The following THSD7B variants were observed in gnomAD, a reference collection of about 807,000 sequenced individuals.
THSD7B encodes the protein thrombospondin type-1 domain-containing protein 7B.
In THSD7B, 138 loss-of-function variants were observed where a neutral mutation model predicts 213.6. That is an observed-to-expected ratio of 0.65 (90% CI 0.56 to 0.74). The LOEUF (loss-of-function observed/expected upper bound fraction) is 0.74. THSD7B is among the 30% of genes least tolerant of loss of function. The probability of loss-of-function intolerance (pLI) is 0.00; values close to 1 mark genes in which losing one functional copy is unlikely to be tolerated. For missense variants in THSD7B, 1,931 were observed against 1,991.5 expected (o/e 0.97, Z 0.58); for synonymous variants, 742 against 687.0 (o/e 1.08, Z -1.25).
At chr2:137,318,090 C>G (rs1348479027) in intron 12 of THSD7B, among the ~76,000 whole-genome samples, 3 of 152,140 alleles carry the variant, frequency 2.0e-5, no homozygotes, top group Non-Finnish European at 4.4e-5. Flanking sequence ...AACAGAAAAT[C>G]TAACTCAAAT....
At chr2:137,039,657 T>C (rs1686843855) in intron 2 of THSD7B, among the ~76,000 whole-genome samples, 1 of 152,208 alleles carries the variant, frequency 6.6e-6, no homozygotes, top group African/African-American at 2.4e-5. Flanking sequence ...TGTCTTTATA[T>C]GCCTACAAGA....
intron 15 of THSD7B, among the ~76,000 whole-genome samples, chr2:137,492,259 G>A (rs935088300): frequency 6.6e-6 from 1 of 152,094 alleles, no homozygotes. Context: ...ACAAATTTAA[G>A]TTTTGAGACT....
chr2:137,489,336 A>T (rs1688553875), intron 15 of THSD7B, among the ~76,000 whole-genome samples: 1 of 151,614 alleles, frequency 6.6e-6, no homozygotes, highest in Admixed American at 6.6e-5. Context: ...GAGGCAGGAG[A>T]TTGCCTGAAC....
intron 15 of THSD7B, among the ~76,000 whole-genome samples, chr2:137,514,476 T>C (rs1680030214): frequency 6.6e-6 from 1 of 152,216 alleles, no homozygotes; most frequent in South Asian, 2.1e-4. Flanking sequence ...AGCTTACAGA[T>C]GGCCTATTGC....
chr2:137,283,342 A>G (rs998944331), intron 12 of THSD7B, among the ~76,000 whole-genome samples: 9 of 152,170 alleles, frequency 5.9e-5, no homozygotes, highest in Middle Eastern at 3.2e-3. Context: ...CAATCGTGTC[A>G]TCTGCAAACA....
intron 15 of THSD7B, among the ~76,000 whole-genome samples, chr2:137,540,750 G>A (rs1413520589): frequency 1.3e-5 from 2 of 151,692 alleles, no homozygotes; most frequent in Admixed American, 1.3e-4. Flanking sequence ...TGTTTAACTT[G>A]TAGCTACCTG....
At chr2:137,408,087 CAAAGT>C (rs909312017) in intron 13 of THSD7B, among the ~76,000 whole-genome samples, 10 of 151,878 alleles carry the variant, frequency 6.6e-5, no homozygotes, top group African/African-American at 1.9e-4. Context: ...AGTATATAAT[CAAAGT>C]AAAGGATCAC....
chr2:137,477,435 A>G (rs1021132820), intron 15 of THSD7B, among the ~76,000 whole-genome samples: 1 of 152,034 alleles, frequency 6.6e-6, no homozygotes, highest in African/African-American at 2.4e-5. Context: ...CATATAATTG[A>G]GTCATGTTCT....
intron 14 of THSD7B, among the ~76,000 whole-genome samples, chr2:137,448,678 A>G (rs1573631740): frequency 1.3e-5 from 2 of 152,150 alleles, no homozygotes; most frequent in South Asian, 2.1e-4. Context: ...GGGCGCCTGT[A>G]GTCCCAGCTA....
At chr2:136,990,815 T>C (rs1685766014) in intron 2 of THSD7B, 1 of 1,159,856 alleles carries the variant, frequency 8.6e-7, no homozygotes, top group African/African-American at 1.6e-5. Context: ...GCCTGGCCGA[T>C]GGTGTTTCTT....
In THSD7B at chr2:137,004,348, A is replaced by AC. The variant is rs1558883738; in HGVS notation, c.140-52072_140-52071insC. Among the ~76,000 whole-genome samples the AC allele has an allele frequency of 1.7e-3, 184 of 105,912 alleles. 2 individuals are homozygous for AC. Among genetic ancestry groups the AC allele is most frequent in the African/African-American group, 6.0e-3 (174 of 28,978 alleles). 69.5% of individuals were successfully genotyped at this position (105,912 alleles called of 152,430 possible). A position where few individuals can be genotyped will look rare whatever the true frequency, so the allele number is the denominator to read the frequency against. ...ACACACACACACACACACACACACA[A>AC]ACTTATTCCAGGAGAACCATTATAA... On this transcript the variant is annotated intron_variant, in intron 2 of 27. Transcript: ENST00000409968.
intron 13 of THSD7B, among the ~76,000 whole-genome samples, chr2:137,411,061 A>C (rs866845466): frequency 6.6e-5 from 10 of 152,234 alleles, no homozygotes; most frequent in South Asian, 4.1e-4. Context: ...AAAATGAAAG[A>C]GCTTTTTCTC....
rs575931967 is a variant in THSD7B, at chr2:137,362,291, A to G, written c.2501-43322A>G. On this transcript the variant is annotated intron_variant, in intron 12 of 27. Transcript: ENST00000409968. ...CCACTGCAAAAACATGCCAAATTGTAAAGACCATCGATGCTACAAAGAAAC... is the reference window on the plus strand; with the variant it reads ...CCACTGCAAAAACATGCCAAATTGTGAAGACCATCGATGCTACAAAGAAAC... 1.7e-4 allele frequency among the ~76,000 whole-genome samples: 26 copies of G among 152,332 alleles called. No homozygotes were observed. The South Asian group carries it at 2.5e-3, about 15-fold the overall frequency.
intron 2 of THSD7B, among the ~76,000 whole-genome samples, chr2:136,950,382 T>C (rs1374198855): frequency 6.6e-6 from 1 of 152,116 alleles, no homozygotes; most frequent in East Asian, 1.9e-4. Flanking sequence ...TGTATACATA[T>C]GTAGCAAACC....
At chr2:137,227,886 A>G (rs1681546333) in intron 7 of THSD7B, among the ~76,000 whole-genome samples, 1 of 152,144 alleles carries the variant, frequency 6.6e-6, no homozygotes, top group South Asian at 2.1e-4. Context: ...CTTTGCAAAG[A>G]CATTTTTTAA....
intron 12 of THSD7B, among the ~76,000 whole-genome samples, chr2:137,321,453 G>A (rs1179693713): frequency 1.3e-5 from 2 of 152,176 alleles, no homozygotes; most frequent in African/African-American, 4.8e-5. Context: ...TTGTGCTAAT[G>A]AGTTGACATA....
intron 2 of THSD7B, among the ~76,000 whole-genome samples, chr2:136,999,469 T>C (rs1685961250): frequency 6.6e-6 from 1 of 152,076 alleles, no homozygotes; most frequent in South Asian, 2.1e-4. Context: ...TATCTTGTTT[T>C]TTTTTTTTCA....
chr2:136,768,118 G>A (rs1681441166), intron 1 of THSD7B, among the ~76,000 whole-genome samples: 2 of 152,162 alleles, frequency 1.3e-5, no homozygotes, highest in African/African-American at 4.8e-5. Flanking sequence ...GAGAAAGTAG[G>A]GAAGGAATGA....
At chr2:136,823,820 C>A (rs1160078517) in intron 1 of THSD7B, among the ~76,000 whole-genome samples, 1 of 152,130 alleles carries the variant, frequency 6.6e-6, no homozygotes, top group Non-Finnish European at 1.5e-5. Flanking sequence ...CAAAGAAGAT[C>A]TGGATAAGTT....
Sources: allele counts gnomAD v4.1 joint callset (sites outside exome capture counted in the v4.1 genomes callset), GRCh38; gene constraint gnomAD v4.1.1; transcripts MANE v1.5; gene names NCBI Gene and HGNC (gene_info 2026-07-23, HGNC 2026-07-21).